PTPN11: variants seen among roughly 807,000 people sequenced by gnomAD.
PTPN11 encodes tyrosine-protein phosphatase non-receptor type 11.
A neutral mutation model predicts 78.8 loss-of-function variants in PTPN11; 6 were observed. That is an observed-to-expected ratio of 0.08 (90% CI 0.04 to 0.15). The LOEUF is 0.15. Among genes scored for constraint, PTPN11 ranks in the 10% least tolerant of loss-of-function variants. The pLI is 1.00. For synonymous variants in PTPN11, 221 were observed against 263.5 expected (o/e 0.84, Z 1.56); for missense variants, 386 against 744.8 (o/e 0.52, Z 5.61).
chr12:112,439,280 TAA>T (rs2037844091), intron 1 of PTPN11, among the ~76,000 whole-genome samples: 1 of 152,110 alleles, frequency 6.6e-6, no homozygotes, highest in Non-Finnish European at 1.5e-5. Flanking sequence ...TTAAACTTTT[TAA>T]AAAATTTATT....
At chr12:112,461,842 G>C (rs2038253324) in intron 6 of PTPN11, among the ~76,000 whole-genome samples, 1 of 151,922 alleles carries the variant, frequency 6.6e-6, no homozygotes, top group Non-Finnish European at 1.5e-5. Flanking sequence ...ATCAAACTCA[G>C]GGTTTCAGGA....
chr12:112,499,962 G>C (rs2038856319), intron 13 of PTPN11, among the ~76,000 whole-genome samples: 1 of 141,764 alleles, frequency 7.1e-6, no homozygotes, highest in Non-Finnish European at 1.5e-5. Context: ...AAAAAAAAAA[G>C]GCCAGGCACA....
intron 2 of PTPN11, among the ~76,000 whole-genome samples, chr12:112,448,181 T>A: frequency 6.6e-6 from 1 of 151,992 alleles, no homozygotes; most frequent in East Asian, 1.9e-4. Context: ...ATTTCTTGTT[T>A]ACCCTTCTGT....
rs1298197999 is a variant in PTPN11, at chr12:112,418,972, G to A, written c.-140G>A. On this transcript the variant is annotated 5_prime_UTR_variant, in exon 1 of 16. Transcript: ENST00000351677. ...AGTCTCCGGGATCCCCAGGCCTGGA[G>A]GGGGGTCTGTGCGCGGCCGGCTGGC... 14 of 1,026,292 alleles carry A rather than the reference G, an allele frequency of 1.4e-5. No homozygotes were observed. The highest frequency in any genetic ancestry group is 8.5e-5 in the East Asian group (3 of 35,306). 63.6% of individuals were successfully genotyped at this position (1,026,292 alleles called of 1,614,324 possible). A position where few individuals can be genotyped will look rare whatever the true frequency, so the allele number is the denominator to read the frequency against.
Position 112,504,742 on chromosome 12 carries a change from A to G in PTPN11, c.1760A>G (p.Gln587Arg). The G allele has an allele frequency of 6.3e-7, 1 of 1,590,568 alleles. No homozygotes were observed. The highest frequency in any genetic ancestry group is 8.6e-7 in the Non-Finnish European group (1 of 1,158,642). Residue 587 changes from glutamine to arginine, a missense_variant, in exon 15 of 16, where the codon CAA becomes CGA. Physicochemically the swap from Gln to Arg is conservative, Grantham distance 43. Transcript: ENST00000351677. The surrounding 1 kb of genome is among the most constrained non-coding windows in gnomAD (Gnocchi z 4.7). ...GTCTATGAAAACGTGGGCCTGATGC[A>G]ACAGCAGAAAAGTTTCAGATGAGAA... ...ARVYENVGLM[Q>R]QQKSFR is the part of the protein sequence containing the mutation.
intron 13 of PTPN11, among the ~76,000 whole-genome samples, chr12:112,491,564 C>T (rs544070421): frequency 6.6e-6 from 1 of 152,232 alleles, no homozygotes; most frequent in Non-Finnish European, 1.5e-5. Context: ...ACCAATGTCA[C>T]AATTATTTGA....
intron 6 of PTPN11, among the ~76,000 whole-genome samples, chr12:112,458,336 G>A (rs1190582991): frequency 1.3e-5 from 2 of 152,186 alleles, no homozygotes; most frequent in Non-Finnish European, 2.9e-5. Context: ...TCAGCCTCCT[G>A]AGTAGCTGGT....
rs886487079 is a variant in PTPN11 at position 112,506,273 on chromosome 12, A to G, written c.*481A>G. On this transcript the variant is annotated 3_prime_UTR_variant, in exon 16 of 16. Coordinates refer to ENST00000351677, the MANE Select transcript of PTPN11 (RefSeq NM_002834.5). ...AAAAGTGAGAACAATCTCATTTACCATCATGTATCCAGTAGTGGATAATTC... is the reference window on the plus strand; with the variant it reads ...AAAAGTGAGAACAATCTCATTTACCGTCATGTATCCAGTAGTGGATAATTC... 7 of 152,164 alleles carry G rather than the reference A, an allele frequency of 4.6e-5. No homozygotes were observed. Among genetic ancestry groups the G allele is most frequent in the African/African-American group, 1.4e-4 (6 of 41,424 alleles). The allele number at this position is 152,164 out of a possible 1,614,324, so 9.4% of individuals were successfully genotyped here.
chr12:112,467,419 G>C (rs1419332024), intron 6 of PTPN11, among the ~76,000 whole-genome samples: 1 of 152,186 alleles, frequency 6.6e-6, no homozygotes, highest in Non-Finnish European at 1.5e-5. Context: ...TCCGGTCATA[G>C]TGGAAGGCAA....
In PTPN11 at chr12:112,434,707, C is replaced by T. The variant is rs1451056165; in HGVS notation, c.15-11569C>T. 3.3e-5 allele frequency among the ~76,000 whole-genome samples: 5 copies of T among 152,150 alleles called. No homozygotes were observed. In the East Asian group the frequency reaches 9.6e-4, roughly 29 times the overall value. ...ATTTGTGTGTGTGTCGAGTGTGTTT[C>T]ACACAGGCTCAGAGGGAGTAGTGTG... On this transcript the variant is annotated intron_variant, in intron 1 of 15. Coordinates refer to ENST00000351677, the MANE Select transcript of PTPN11 (RefSeq NM_002834.5).
rs1190463676 is a variant in PTPN11 at position 112,489,070 on chromosome 12, G to T, written c.1494G>T (p.Arg498=). Reference sequence around the variant, plus strand: ...TTCCCAAAACCATCCAGATGGTGCGGTCTCAGAGGTCAGGGATGGTCCAGA... The same window carrying T: ...TTCCCAAAACCATCCAGATGGTGCGTTCTCAGAGGTCAGGGATGGTCCAGA... The part of the protein sequence containing the change: ...IDVPKTIQMV[R]SQRSGMVQTE... Residue 498 remains arginine, a synonymous_variant, in exon 13 of 16, where the codon CGG becomes CGT. Coordinates refer to ENST00000351677, the MANE Select transcript of PTPN11 (RefSeq NM_002834.5). 1 of 1,614,136 alleles carries T rather than the reference G, an allele frequency of 6.2e-7. No individual in the cohort carries two copies. Among genetic ancestry groups the T allele is most frequent in the Non-Finnish European group, 8.5e-7 (1 of 1,180,026 alleles).
At chr12:112,499,333 A>T (rs996973408) in intron 13 of PTPN11, among the ~76,000 whole-genome samples, 2 of 151,838 alleles carry the variant, frequency 1.3e-5, no homozygotes, top group Non-Finnish European at 2.9e-5. Context: ...TTTTTAAAAA[A>T]TTTATTTTTT....
chr12:112,447,697 A>G (rs1018009576), intron 2 of PTPN11, among the ~76,000 whole-genome samples: 2 of 151,154 alleles, frequency 1.3e-5, no homozygotes, highest in Non-Finnish European at 2.9e-5. Context: ...ATGGGGTTTC[A>G]CCATGTCGAC....
At position 112,482,252 on chromosome 12, in the gene PTPN11, G is replaced by T; in HGVS notation, c.1224+47G>T. Reference sequence around the variant, plus strand: ...AGAGACTTTGGGAACTGTTGATGGTGTGTAGGAATTCAGGGTCTTGCCGTT... The same window carrying T: ...AGAGACTTTGGGAACTGTTGATGGTTTGTAGGAATTCAGGGTCTTGCCGTT... On this transcript the variant is annotated intron_variant, in intron 10 of 15. Coordinates refer to ENST00000351677, the MANE Select transcript of PTPN11 (RefSeq NM_002834.5). This position sits in a 1 kb window ranked among gnomAD's most constrained non-coding sequence, Gnocchi z 4.4. 1.3e-6 allele frequency: 2 copies of T among 1,593,956 alleles called. No homozygotes were observed. The highest frequency in any genetic ancestry group is 1.7e-6 in the Non-Finnish European group (2 of 1,163,544).
At chr12:112,460,969 C>T (rs1455628989) in intron 6 of PTPN11, among the ~76,000 whole-genome samples, 1 of 152,014 alleles carries the variant, frequency 6.6e-6, no homozygotes, top group East Asian at 1.9e-4. Context: ...ATCATTTGTC[C>T]TGAGAGTTAC....
At chr12:112,497,227 G>T (rs2038825028) in intron 13 of PTPN11, among the ~76,000 whole-genome samples, 2 of 152,020 alleles carry the variant, frequency 1.3e-5, no homozygotes, top group African/African-American at 4.8e-5. Flanking sequence ...ATAGAAATGG[G>T]ATTGCACAGG....
chr12:112,423,304 G>A (rs77165900), intron 1 of PTPN11, among the ~76,000 whole-genome samples: 1 of 150,032 alleles, frequency 6.7e-6, no homozygotes, highest in East Asian at 1.9e-4. Flanking sequence ...TTTTTTTTTT[G>A]AAATAGAGTC....
chr12:112,430,132 T>C (rs2037689841), intron 1 of PTPN11, among the ~76,000 whole-genome samples: 1 of 151,736 alleles, frequency 6.6e-6, no homozygotes, highest in Non-Finnish European at 1.5e-5. Context: ...GTGATTCTTG[T>C]GCCTCAGCCT....
At chr12:112,490,365 GGT>G (rs1418792111) in intron 13 of PTPN11, among the ~76,000 whole-genome samples, 6 of 147,244 alleles carry the variant, frequency 4.1e-5, no homozygotes, top group African/African-American at 1.5e-4. Flanking sequence ...GGAGTGCAGT[GGT>G]GTAATCATGG....
Sources: allele counts gnomAD v4.1 joint callset (sites outside exome capture counted in the v4.1 genomes callset), GRCh38; gene constraint gnomAD v4.1.1; non-coding constraint Gnocchi (gnomAD v3.1); transcripts MANE v1.5; gene names NCBI Gene and HGNC (gene_info 2026-07-23, HGNC 2026-07-21).